The following EXOC6 variants were observed in gnomAD, a reference collection of about 807,000 sequenced individuals.
The protein encoded by EXOC6 is SEC15-like 1.
In EXOC6, 60 loss-of-function variants were observed where a neutral mutation model predicts 112.5. That is an observed-to-expected ratio of 0.53 (90% CI 0.43 to 0.66). EXOC6 has a LOEUF of 0.66. Among genes scored for constraint, EXOC6 ranks in the 30% least tolerant of loss-of-function variants. The probability of loss-of-function intolerance (pLI) is 0.00; values close to 1 mark genes in which losing one functional copy is unlikely to be tolerated. For missense variants in EXOC6, 855 were observed against 957.1 expected (o/e 0.89, Z 1.41); for synonymous variants, 295 against 308.0 (o/e 0.96, Z 0.44).
At chr10:93,009,571 A>G (rs1844147430) in intron 19 of EXOC6, among the ~76,000 whole-genome samples, 1 of 152,336 alleles carries the variant, frequency 6.6e-6, no homozygotes, top group African/African-American at 2.4e-5. Flanking sequence ...GTGCACAGGA[A>G]GTTGCAGTGA....
intron 1 of EXOC6, among the ~76,000 whole-genome samples, chr10:92,863,902 G>A (rs140184033): frequency 0.032 from 4,262 of 134,088 alleles, 156 homozygotes; most frequent in East Asian, 0.15. Flanking sequence ...GCGACGGAGC[G>A]AGACTCCATC....
chr10:92,997,708 A>C, intron 19 of EXOC6, 93 bp downstream of exon 19: 1 of 1,154,760 alleles, frequency 8.7e-7, no homozygotes, highest in South Asian at 2.3e-5. Context: ...TTCAGAAAGG[A>C]GGGAGAAGGC....
Position 93,040,572 on chromosome 10 carries a change from A to G in EXOC6, c.2170-16352A>G, listed in dbSNP as rs77609457. Among the ~76,000 whole-genome samples, 465 of 152,294 alleles carry G rather than the reference A, an allele frequency of 3.1e-3. 1 individual carries two copies. Among genetic ancestry groups the G allele is most frequent in the African/African-American group, 0.01 (436 of 41,562 alleles). On this transcript the variant is annotated intron_variant, in intron 20 of 21. Transcript: ENST00000260762. ...TGCTTTATCGTTTTCTTAGCCTAAAAACATTTTAGCTATTTCCAATTTCTC... is the reference window on the plus strand; with the variant it reads ...TGCTTTATCGTTTTCTTAGCCTAAAGACATTTTAGCTATTTCCAATTTCTC...
intron 19 of EXOC6, among the ~76,000 whole-genome samples, chr10:93,013,185 GT>G (rs1844337357): frequency 6.6e-6 from 1 of 152,074 alleles, no homozygotes; most frequent in South Asian, 2.1e-4. Flanking sequence ...ATTGTCTTTA[GT>G]TTAATTAAGT....
At chr10:92,951,668 T>A (rs1219222112) in intron 14 of EXOC6, among the ~76,000 whole-genome samples, 2 of 152,182 alleles carry the variant, frequency 1.3e-5, no homozygotes, top group Non-Finnish European at 2.9e-5. Context: ...GTTTACCTTT[T>A]AGAGACTGAG....
chr10:92,962,716 G>A (rs1854078781), intron 17 of EXOC6, among the ~76,000 whole-genome samples: 1 of 152,126 alleles, frequency 6.6e-6, no homozygotes, highest in Non-Finnish European at 1.5e-5. Context: ...GTGGTACTGT[G>A]CTAATTGCTG....
At chr10:92,964,716 A>G (rs1456027047) in intron 17 of EXOC6, among the ~76,000 whole-genome samples, 1 of 152,220 alleles carries the variant, frequency 6.6e-6, no homozygotes, top group Non-Finnish European at 1.5e-5. Context: ...TAAACAATAA[A>G]GGAAAAATTA....
At position 92,918,843 on chromosome 10, in the gene EXOC6, T is replaced by C. The variant is rs900709631; in HGVS notation, c.820-1139T>C. ...GTGAATATGTATGCACATATGTGTA[T>C]GTGTGTATATATGTGTATATATGTA... On this transcript the variant is annotated intron_variant, in intron 7 of 21. Transcript: ENST00000260762. 2.6e-5 allele frequency among the ~76,000 whole-genome samples: 4 copies of C among 152,322 alleles called. No homozygotes were observed. The South Asian group carries it at 6.2e-4, about 24-fold the overall frequency.
intron 1 of EXOC6, among the ~76,000 whole-genome samples, chr10:92,862,413 A>C (rs371908393): frequency 1.5e-4 from 23 of 152,000 alleles, no homozygotes; most frequent in African/African-American, 5.3e-4. Flanking sequence ...TAGTTAGGTC[A>C]TGAGGGCACA....
chr10:92,880,900 A>G (rs902167534), intron 1 of EXOC6, among the ~76,000 whole-genome samples: 4 of 152,228 alleles, frequency 2.6e-5, no homozygotes, highest in African/African-American at 9.6e-5. Context: ...TTTAAGTTTA[A>G]TACTATTTTA....
chr10:92,966,628 T>C (rs1219887045), intron 17 of EXOC6, among the ~76,000 whole-genome samples: 2 of 151,388 alleles, frequency 1.3e-5, no homozygotes, highest in African/African-American at 4.9e-5. Flanking sequence ...TCATCATTTT[T>C]TATGGCTGCA....
At chr10:92,947,103 G>A (rs1243696450) in intron 13 of EXOC6, among the ~76,000 whole-genome samples, 1 of 152,128 alleles carries the variant, frequency 6.6e-6, no homozygotes, top group African/African-American at 2.4e-5. Flanking sequence ...TAATTAAAAG[G>A]AAATCAATGA....
intron 18 of EXOC6, among the ~76,000 whole-genome samples, chr10:92,980,467 T>C (rs1186510964): frequency 6.6e-6 from 1 of 151,034 alleles, no homozygotes; most frequent in Non-Finnish European, 1.5e-5. Flanking sequence ...ACTATAGTAT[T>C]AGTTTCATTG....
At chr10:92,901,308 A>G (rs903248669) in intron 5 of EXOC6, 2 of 152,152 alleles carry the variant, frequency 1.3e-5, no homozygotes, top group African/African-American at 4.8e-5. Context: ...ATCCGTTATT[A>G]TATTGGATTT....
chr10:92,863,246 A>G (rs1340456475), intron 1 of EXOC6, among the ~76,000 whole-genome samples: 1 of 152,252 alleles, frequency 6.6e-6, no homozygotes. Context: ...GACTTCCCAT[A>G]AAGAGTACAG....
At chr10:92,832,890 T>C (rs1453795387), upstream of EXOC6, among the ~76,000 whole-genome samples, 1 of 152,140 alleles carries the variant, frequency 6.6e-6, no homozygotes, top group Non-Finnish European at 1.5e-5. Context: ...CTCGAACTCC[T>C]GGCCTCAAGT....
intron 16 of EXOC6, among the ~76,000 whole-genome samples, chr10:92,955,047 G>T (rs1164489053): frequency 6.6e-6 from 1 of 151,998 alleles, no homozygotes; most frequent in Non-Finnish European, 1.5e-5. Flanking sequence ...AAGACTATTA[G>T]CCAGGCGTGG....
intron 20 of EXOC6, among the ~76,000 whole-genome samples, chr10:93,023,421 T>C (rs1844877496): frequency 6.6e-6 from 1 of 152,228 alleles, no homozygotes; most frequent in African/African-American, 2.4e-5. Context: ...AAAGACTTTA[T>C]CATCCTGCCA....
intron 13 of EXOC6, among the ~76,000 whole-genome samples, chr10:92,948,009 T>A (rs965761864): frequency 1.2e-4 from 18 of 151,598 alleles, no homozygotes; most frequent in African/African-American, 4.4e-4. Context: ...CCTTGAGAAT[T>A]ATTCTAGAAT....
Sources: allele counts gnomAD v4.1 joint callset (sites outside exome capture counted in the v4.1 genomes callset), GRCh38; gene constraint gnomAD v4.1.1; transcripts MANE v1.5; gene names NCBI Gene and HGNC (gene_info 2026-07-23, HGNC 2026-07-21).